Variants in GFRA1 observed in about 807,000 individuals in gnomAD.
The protein encoded by GFRA1 is GDNF family receptor alpha 1.
GFRA1 carries 16 observed loss-of-function variants against 51.6 expected under a neutral mutation model. That is an observed-to-expected ratio of 0.31 (90% CI 0.21 to 0.47). GFRA1 has a LOEUF of 0.47. Among genes scored for constraint, GFRA1 ranks in the 20% least tolerant of loss-of-function variants. GFRA1 has a pLI of 1.00. For missense variants in GFRA1, 530 were observed against 594.3 expected (o/e 0.89, Z 1.13); for synonymous variants, 270 against 241.3 (o/e 1.12, Z -1.10).
At position 116,061,112 on chromosome 10, in the gene GFRA1, T is replaced by C. The variant is rs1297675466; in HGVS notation, c.*3286A>G. The C allele has an allele frequency of 6.6e-6, 1 of 151,778 alleles. No homozygotes were observed. Among genetic ancestry groups the C allele is most frequent in the Non-Finnish European group, 1.5e-5 (1 of 67,998 alleles). The allele number at this position is 151,778 out of a possible 1,614,324, so 9.4% of individuals were successfully genotyped here. The stretch of plus-strand genomic sequence containing the variant: ...AGCTAGAAGCGGCCCATCCTCAGAG[T>C]GTATGCAAGACAGGAAGTGTCTGAA... On this transcript the variant is annotated 3_prime_UTR_variant, in exon 11 of 11. Transcript: ENST00000355422.
chr10:116,089,111 G>T (rs1956224457), intron 9 of GFRA1, among the ~76,000 whole-genome samples: 2 of 152,060 alleles, frequency 1.3e-5, no homozygotes, highest in African/African-American at 2.4e-5. Context: ...TGCCCTCGCA[G>T]ACCTGGATTA....
At chr10:116,178,979 C>CTA (rs1236386807) in intron 5 of GFRA1, among the ~76,000 whole-genome samples, 1 of 152,126 alleles carries the variant, frequency 6.6e-6, no homozygotes, top group Non-Finnish European at 1.5e-5. Flanking sequence ...CAGGTACCTG[C>CTA]TACCTGGTTG....
chr10:116,201,486 A>G (rs770855423), intron 5 of GFRA1, among the ~76,000 whole-genome samples: 3 of 151,940 alleles, frequency 2.0e-5, no homozygotes, highest in African/African-American at 4.8e-5. Context: ...TTTGGTCTCC[A>G]CCTCCATTCA....
intron 5 of GFRA1, among the ~76,000 whole-genome samples, chr10:116,134,506 G>A (rs1270167095): frequency 6.6e-6 from 1 of 152,170 alleles, no homozygotes; most frequent in Non-Finnish European, 1.5e-5. Flanking sequence ...TCCTTCAAGA[G>A]CTTGGCTTTT....
chr10:116,194,035 T>G (rs1182034269), intron 5 of GFRA1, among the ~76,000 whole-genome samples: 1 of 129,672 alleles, frequency 7.7e-6, no homozygotes, highest in Non-Finnish European at 1.6e-5. Flanking sequence ...GGAGACTCCG[T>G]CTCAATAAAA....
At chr10:116,247,217 CCTT>C (rs1303926608) in intron 4 of GFRA1, among the ~76,000 whole-genome samples, 2 of 152,120 alleles carry the variant, frequency 1.3e-5, no homozygotes, top group African/African-American at 4.8e-5. Flanking sequence ...TGGTTTCTCT[CCTT>C]CTCTCACTCC....
chr10:116,146,798 G>A (rs369519839), intron 5 of GFRA1, among the ~76,000 whole-genome samples: 1 of 152,196 alleles, frequency 6.6e-6, no homozygotes, highest in African/African-American at 2.4e-5. Flanking sequence ...AGAAAGCTCA[G>A]AGTGAAAAGC....
chr10:116,205,277 C>T (rs1188788169), intron 5 of GFRA1, among the ~76,000 whole-genome samples: 1 of 151,858 alleles, frequency 6.6e-6, no homozygotes, highest in African/African-American at 2.4e-5. Flanking sequence ...ATTATTATCC[C>T]AATAAAAATT....
chr10:116,265,081 A>G (rs533825948), intron 4 of GFRA1, among the ~76,000 whole-genome samples: 7 of 152,182 alleles, frequency 4.6e-5, no homozygotes, highest in African/African-American at 1.2e-4. Flanking sequence ...TCACAGAATC[A>G]CTCAGAAAAA....
At chr10:116,187,680 T>A (rs569007848) in intron 5 of GFRA1, among the ~76,000 whole-genome samples, 1 of 152,286 alleles carries the variant, frequency 6.6e-6, no homozygotes, top group East Asian at 1.9e-4. Flanking sequence ...TTCATTTATC[T>A]TCCCTGAGCA....
chr10:116,140,785 G>C (rs1000840188), intron 5 of GFRA1, among the ~76,000 whole-genome samples: 5 of 152,176 alleles, frequency 3.3e-5, no homozygotes, highest in Admixed American at 3.3e-4. Flanking sequence ...ATTTGAGAGA[G>C]AATAGAAAGG....
chr10:116,268,257 G>A (rs1009384302), intron 4 of GFRA1, among the ~76,000 whole-genome samples: 5 of 152,150 alleles, frequency 3.3e-5, no homozygotes, highest in African/African-American at 1.2e-4. Flanking sequence ...ATTTGGGGCT[G>A]TTTCCCTAAC....
chr10:116,208,719 C>T (rs922157368), intron 5 of GFRA1, among the ~76,000 whole-genome samples: 3 of 152,118 alleles, frequency 2.0e-5, no homozygotes, highest in Non-Finnish European at 2.9e-5. Flanking sequence ...AGTTTCTGTT[C>T]GATTTCAGAA....
chr10:116,128,618 C>T (rs979586373), intron 5 of GFRA1, among the ~76,000 whole-genome samples: 4 of 149,048 alleles, frequency 2.7e-5, no homozygotes, highest in South Asian at 2.1e-4. Flanking sequence ...CCCAGCTACT[C>T]GGGAGGCTGA....
chr10:116,160,702 C>A (rs530134222), intron 5 of GFRA1, among the ~76,000 whole-genome samples: 1 of 152,186 alleles, frequency 6.6e-6, no homozygotes, highest in Non-Finnish European at 1.5e-5. Context: ...GGGCAATATA[C>A]GTTTCACAAA....
chr10:116,174,314 A>G (rs1961366496), intron 5 of GFRA1, among the ~76,000 whole-genome samples: 1 of 152,220 alleles, frequency 6.6e-6, no homozygotes, highest in Admixed American at 6.5e-5. Flanking sequence ...AAAGAGTGCT[A>G]AGTGGAATCT....
intron 4 of GFRA1, among the ~76,000 whole-genome samples, chr10:116,229,621 C>A (rs1299011722): frequency 6.6e-6 from 1 of 152,132 alleles, no homozygotes; most frequent in East Asian, 1.9e-4. Flanking sequence ...CTATGAAGAA[C>A]AGGTATTTGG....
intron 8 of GFRA1, among the ~76,000 whole-genome samples, chr10:116,092,137 AC>A (rs1265461388): frequency 6.8e-6 from 1 of 146,952 alleles, no homozygotes; most frequent in Non-Finnish European, 1.5e-5. Flanking sequence ...ACACACACAC[AC>A]ATTTTCAGTC....
At chr10:116,164,474 G>T (rs2134191883) in intron 5 of GFRA1, among the ~76,000 whole-genome samples, 1 of 152,306 alleles carries the variant, frequency 6.6e-6, no homozygotes, top group East Asian at 1.9e-4. Flanking sequence ...TGAAGGCATT[G>T]TTTATTCACA....
Sources: allele counts gnomAD v4.1 joint callset (sites outside exome capture counted in the v4.1 genomes callset), GRCh38; gene constraint gnomAD v4.1.1; transcripts MANE v1.5; gene names NCBI Gene and HGNC (gene_info 2026-07-23, HGNC 2026-07-21).